SERPINC1: variants seen among roughly 807,000 people sequenced by gnomAD.
The protein encoded by SERPINC1 is antithrombin-III.
SERPINC1 carries 12 observed loss-of-function variants against 43.4 expected under a neutral mutation model. The observed-to-expected ratio is 0.28, with a 90% confidence interval of 0.18 to 0.45. The LOEUF (loss-of-function observed/expected upper bound fraction) is 0.45. Among genes scored for constraint, SERPINC1 ranks in the 20% least tolerant of loss-of-function variants. The probability of loss-of-function intolerance (pLI) is 1.00; values close to 1 mark genes in which losing one functional copy is unlikely to be tolerated. For synonymous variants in SERPINC1, 210 were observed against 218.9 expected (o/e 0.96, Z 0.36); for missense variants, 423 against 578.8 (o/e 0.73, Z 2.76).
intron 1 of SERPINC1, among the ~76,000 whole-genome samples, chr1:173,915,971 C>A (rs556359062): frequency 1.9e-4 from 29 of 152,248 alleles, no homozygotes; most frequent in African/African-American, 6.7e-4. Context: ...AGTCAAACCC[C>A]AGAGTCAATC....
At chr1:173,912,853 G>A (rs976372693) in intron 2 of SERPINC1, among the ~76,000 whole-genome samples, 1 of 152,200 alleles carries the variant, frequency 6.6e-6, no homozygotes, top group Admixed American at 6.5e-5. Context: ...TGTTCTTCTT[G>A]TAGGAAGGGT....
chr1:173,909,986 G>C (rs762291769), intron 4 of SERPINC1, 44 bp from the exon 5 acceptor site: 1 of 1,587,078 alleles, frequency 6.3e-7, no homozygotes, highest in Non-Finnish European at 8.6e-7. Context: ...TTCATAGGAG[G>C]ATAGTTATTG....
rs1165816584 is a variant in SERPINC1, at chr1:173,914,882, A to G, written c.79T>C (p.Trp27Arg). 1.2e-6 allele frequency: 2 copies of G among 1,614,106 alleles called. No individual in the cohort carries two copies. Among genetic ancestry groups the G allele is most frequent in the Non-Finnish European group, 1.7e-6 (2 of 1,180,054 alleles). Residue 27 changes from tryptophan (W) to arginine (R), a missense_variant, in exon 2 of 7, where the codon TGG becomes CGG. Trp to Arg is a moderately radical substitution (Grantham distance 101). Coordinates refer to ENST00000367698, the MANE Select transcript of SERPINC1 (RefSeq NM_000488.4). ...YLLSLLLIGF[W>R]DCVTCHGSPV... ...CTCCCGTGACAGGTCACGCAGTCCC[A>G]GAAGCCAATGAGCAGCAAGGACAAA...
Position 173,914,549 on chromosome 1 carries a change from G to T in SERPINC1, c.408+4C>A. 3 of 1,613,972 alleles carry T rather than the reference G, an allele frequency of 1.9e-6. No homozygotes were observed. The highest frequency in any genetic ancestry group is 2.7e-5 in the African/African-American group (2 of 75,034). ...GTGGCTGGGCAGAAGACCTTTGGTC[G>T]TACCTCCATCAGTTGCTGGAGGGTG... On this transcript the variant is annotated splice_donor_region_variant and intron_variant, in intron 2 of 6. Transcript: ENST00000367698.
intron 1 of SERPINC1, chr1:173,915,122 G>A (rs891418556): frequency 1.7e-5 from 25 of 1,439,914 alleles, no homozygotes; most frequent in South Asian, 7.3e-5. Flanking sequence ...TTGCCTGGAC[G>A]TGGTCATGTT....
intron 6 of SERPINC1, among the ~76,000 whole-genome samples, chr1:173,906,436 G>C (rs749064127): frequency 6.6e-6 from 1 of 152,218 alleles, no homozygotes; most frequent in Non-Finnish European, 1.5e-5. Context: ...TCTCCCATGA[G>C]AGGATATGCA....
At chr1:173,913,444 G>C (rs1233022278) in intron 2 of SERPINC1, among the ~76,000 whole-genome samples, 1 of 152,156 alleles carries the variant, frequency 6.6e-6, no homozygotes, top group Non-Finnish European at 1.5e-5. Flanking sequence ...TCACGTCCTT[G>C]AGGCTTCTCT....
chr1:173,909,461 G>T, intron 5 of SERPINC1, 91 bp downstream of exon 5: 3 of 1,369,486 alleles, frequency 2.2e-6, no homozygotes, highest in Non-Finnish European at 3.1e-6. Context: ...GTCCTGACTT[G>T]TTGCTCCTTT....
chr1:173,903,908 G>A lies in SERPINC1; in HGVS notation c.1376C>T (p.Ala459Val). The A allele has an allele frequency of 6.2e-7, 1 of 1,614,152 alleles. No individual in the cohort carries two copies. The highest frequency in any genetic ancestry group is 8.5e-7 in the Non-Finnish European group (1 of 1,179,998). The change falls in exon 7 of 7, where the codon GCC becomes GTC. Residue 459 changes from alanine to valine, a missense_variant. By Grantham distance (64) the Ala-to-Val change is moderately conservative. Transcript: ENST00000367698. The part of the protein sequence containing the change: ...LNTIIFMGRV[A>V]NPCVK ...AACATTTTACTTAACACAAGGGTTG[G>A]CTACTCTGCCCATGAAGATAATAGT...
At chr1:173,910,914 C>T in intron 3 of SERPINC1, 23 bp from the exon 4 acceptor site, 1 of 1,613,990 alleles carries the variant, frequency 6.2e-7, no homozygotes, top group Non-Finnish European at 8.5e-7. Flanking sequence ...GAAAATAAAC[C>T]TACTCACCTG....
intron 2 of SERPINC1, among the ~76,000 whole-genome samples, chr1:173,912,926 A>G (rs1657829767): frequency 6.6e-6 from 1 of 152,194 alleles, no homozygotes; most frequent in Non-Finnish European, 1.5e-5. Context: ...TGAGACCAGT[A>G]CCAATGTATA....
intron 1 of SERPINC1, among the ~76,000 whole-genome samples, chr1:173,916,941 G>A (rs993420656): frequency 2.6e-5 from 4 of 152,164 alleles, no homozygotes; most frequent in Non-Finnish European, 4.4e-5. Context: ...CCTGGATCCC[G>A]TGAGTGCTGA....
chr1:173,904,831 C>T (rs1179049501), intron 6 of SERPINC1, among the ~76,000 whole-genome samples: 2 of 152,156 alleles, frequency 1.3e-5, no homozygotes, highest in East Asian at 3.9e-4. Context: ...CATTCCAGCA[C>T]TAAATTATTA....
intron 1 of SERPINC1, chr1:173,915,295 T>C (rs1657941833): frequency 9.9e-6 from 5 of 504,036 alleles, no homozygotes; most frequent in Admixed American, 4.6e-5. Flanking sequence ...GGGAGCCATC[T>C]ACAGAAACTG....
intron 3 of SERPINC1, among the ~76,000 whole-genome samples, chr1:173,911,322 C>T (rs1657761064): frequency 6.6e-6 from 1 of 152,080 alleles, no homozygotes; most frequent in African/African-American, 2.4e-5. Flanking sequence ...AGAGAAATGC[C>T]CATGCAGTCA....
chr1:173,904,521 G>C (rs1489056667), intron 6 of SERPINC1, among the ~76,000 whole-genome samples: 1 of 152,214 alleles, frequency 6.6e-6, no homozygotes, highest in Non-Finnish European at 1.5e-5. Context: ...CCTATGAAAA[G>C]AGGTGGGTTC....
chr1:173,915,394 G>GGAGCAAA, intron 1 of SERPINC1, among the ~76,000 whole-genome samples: 1 of 152,284 alleles, frequency 6.6e-6, no homozygotes, highest in Non-Finnish European at 1.5e-5. Context: ...GGCAATATCT[G>GGAGCAAA]GCCGGGTGCG....
Position 173,914,466 on chromosome 1 carries a change from T to C in SERPINC1, c.408+87A>G, listed in dbSNP as rs558321738. On this transcript the variant is annotated intron_variant, in intron 2 of 6. Transcript: ENST00000367698. ...TGAGCGCCCCTAGTGGCCTGCAGTG[T>C]TGGTTGAGGAATCATTGGACTTGGG... The C allele has an allele frequency of 1.7e-5, 26 of 1,496,702 alleles. No homozygotes were observed. The South Asian group carries it at 2.4e-4, about 14-fold the overall frequency. The allele number at this position is 1,496,702 out of a possible 1,614,324, so 92.7% of individuals were successfully genotyped here.
At chr1:173,908,372 C>T (rs1193702056) in intron 5 of SERPINC1, among the ~76,000 whole-genome samples, 1 of 151,242 alleles carries the variant, frequency 6.6e-6, no homozygotes, top group East Asian at 2.0e-4. Context: ...CGCCTGTAAT[C>T]CTAGCTCCTT....
Sources: allele counts gnomAD v4.1 joint callset (sites outside exome capture counted in the v4.1 genomes callset), GRCh38; gene constraint gnomAD v4.1.1; transcripts MANE v1.5; gene names NCBI Gene and HGNC (gene_info 2026-07-23, HGNC 2026-07-21).